Variants in DYRK4 observed in about 807,000 individuals in gnomAD.
DYRK4 encodes the protein dual specificity tyrosine phosphorylation regulated kinase 4, also known as dual specificity tyrosine-phosphorylation-regulated kinase 4.
A neutral mutation model predicts 68.3 loss-of-function variants in DYRK4; 64 were observed. The ratio of observed to expected loss-of-function variants is 0.94; its 90% confidence interval spans 0.77 to 1.15. The LOEUF (loss-of-function observed/expected upper bound fraction) is 1.15. Ranked by LOEUF, DYRK4 falls within the 50% of genes most tolerant of loss-of-function variation. The pLI is 0.00. For synonymous variants in DYRK4, 274 were observed against 289.9 expected (o/e 0.95, Z 0.56); for missense variants, 740 against 764.7 (o/e 0.97, Z 0.38).
At chr12:4,590,043 T>G in intron 3 of DYRK4, 1 of 827,044 alleles carries the variant, frequency 1.2e-6, no homozygotes, top group Non-Finnish European at 1.5e-6. Flanking sequence ...GTTCCCATGG[T>G]AGTGATGAAA....
At chr12:4,573,308 A>G in intron 2 of DYRK4, 4 of 1,289,456 alleles carry the variant, frequency 3.1e-6, no homozygotes, top group Non-Finnish European at 4.0e-6. Context: ...AGTTTTACAT[A>G]GTTTTCCCCA....
intron 2 of DYRK4, among the ~76,000 whole-genome samples, chr12:4,576,370 T>C (rs1421401376): frequency 6.6e-6 from 1 of 152,236 alleles, no homozygotes; most frequent in South Asian, 2.1e-4. Flanking sequence ...CAGTGAATAA[T>C]ACTGCACTGT....
At chr12:4,589,130 A>C in intron 3 of DYRK4, 113 bp downstream of exon 3, 1 of 893,586 alleles carries the variant, frequency 1.1e-6, no homozygotes, top group Non-Finnish European at 1.7e-6. Flanking sequence ...GTATCATAAC[A>C]TGATGACAGC....
intron 2 of DYRK4, chr12:4,573,207 G>A: frequency 4.0e-6 from 3 of 747,052 alleles, no homozygotes; most frequent in South Asian, 3.1e-5. Context: ...ATAATCGTAA[G>A]CAGCCAATCT....
rs1157151205 is a variant in DYRK4, at chr12:4,604,974, A to G, written c.1187A>G (p.Tyr396Cys). The change falls in exon 11 of 15, where the codon TAC becomes TGC. Residue 396 changes from tyrosine to cysteine, a missense_variant. By Grantham distance (194) the Tyr-to-Cys change is radical (BLOSUM62 -2). Coordinates refer to ENST00000543431, the MANE Select transcript of DYRK4 (RefSeq NM_001394779.1). ...CCAGAAGTGATCCTGGGCCACCCCT[A>G]CGACGTGGCCATTGACATGTGGAGC... ...RSPEVILGHP[Y>C]DVAIDMWSLG... 7 of 1,613,986 alleles carry G rather than the reference A, an allele frequency of 4.3e-6. No homozygotes were observed. The highest frequency in any genetic ancestry group is 2.2e-5 in the South Asian group (2 of 91,062).
Position 4,613,528 on chromosome 12 carries a change from A to G in DYRK4, c.1680A>G (p.Lys560=). 6.2e-7 allele frequency: 1 copy of G among 1,612,972 alleles called. No homozygotes were observed. The highest frequency in any genetic ancestry group is 8.5e-7 in the Non-Finnish European group (1 of 1,179,098). ...CTCCTTTAGCAGATGAGATCACCAAAGAGACTACAGAGAAAACAAAAGATA... is the reference window on the plus strand; with the variant it reads ...CTCCTTTAGCAGATGAGATCACCAAGGAGACTACAGAGAAAACAAAAGATA... ...HHSSRKDEIT[K]ETTEKTKDSP... The change falls in exon 15 of 15, where the codon AAA becomes AAG. Residue 560 remains lysine (K), a synonymous_variant. Coordinates refer to ENST00000543431, the MANE Select transcript of DYRK4 (RefSeq NM_001394779.1). This position sits in a 1 kb window ranked among gnomAD's most constrained non-coding sequence, Gnocchi z 4.0.
At chr12:4,565,627 CT>C (rs10717580) in intron 1 of DYRK4, among the ~76,000 whole-genome samples, 41,373 of 143,708 alleles carry the variant, frequency 0.29, 6,015 homozygotes, top group African/African-American at 0.4. Context: ...TTCACATTTA[CT>C]TTTTTTTTTT....
chr12:4,583,720 T>G (rs1288149111), intron 2 of DYRK4, among the ~76,000 whole-genome samples: 2 of 152,100 alleles, frequency 1.3e-5, no homozygotes. Flanking sequence ...GAAAGTGAGA[T>G]GGTTGTCAGC....
At chr12:4,582,182 GC>G (rs1944849089) in intron 2 of DYRK4, among the ~76,000 whole-genome samples, 1 of 152,188 alleles carries the variant, frequency 6.6e-6, no homozygotes, top group South Asian at 2.1e-4. Context: ...AGTGGCTCAC[GC>G]CTGTAATCCC....
chr12:4,599,038 T>TCCAGAATCATCA lies in DYRK4; in HGVS notation c.916_917insCCAGAATCATCA (p.Tyr306delinsSerArgIleIleAsn). On this transcript the variant is annotated protein_altering_variant, in exon 9 of 15. Coordinates refer to ENST00000543431, the MANE Select transcript of DYRK4 (RefSeq NM_001394779.1). ...TCCCCTCTTTTCCAGAATCAACTTG[T>TCCAGAATCATCA]ATGAGTTGATGAAGAATAACAACTT... The TCCAGAATCATCA allele has an allele frequency of 6.2e-7, 1 of 1,614,154 alleles. No homozygotes were observed. The highest frequency in any genetic ancestry group is 2.2e-5 in the East Asian group (1 of 44,872).
intron 8 of DYRK4, 104 bp downstream of exon 8, chr12:4,596,833 A>G (rs1945023836): frequency 1.9e-6 from 3 of 1,567,520 alleles, no homozygotes; most frequent in South Asian, 2.4e-5. Context: ...ATATTTAGTA[A>G]CTAGAATGGA....
intron 1 of DYRK4, 110 bp downstream of exon 1, chr12:4,562,393 A>G (rs1433753319): frequency 3.0e-6 from 4 of 1,328,466 alleles, no homozygotes; most frequent in Non-Finnish European, 4.0e-6. Context: ...AGCGTGCAGA[A>G]TGCAAGAGCT....
intron 2 of DYRK4, among the ~76,000 whole-genome samples, chr12:4,570,337 A>C (rs1944718554): frequency 6.6e-6 from 1 of 152,228 alleles, no homozygotes. Context: ...GACATTTAAA[A>C]ATACTCTTGA....
rs573116023 is a variant in DYRK4, at chr12:4,604,919, A to T, written c.1132A>T (p.Thr378Ser). The change falls in exon 11 of 15, where the codon ACG becomes TCG. Residue 378 changes from threonine (T) to serine (S), a missense_variant. Coordinates refer to ENST00000543431, the MANE Select transcript of DYRK4 (RefSeq NM_001394779.1). The stretch of plus-strand genomic sequence containing the variant: ...CTCTTACTTTGCCTCCGCAGTATAC[A>T]CGTACATCCAAAGCCGGTTCTACCG... ...SSCYEHQKVY[T>S]YIQSRFYRSP... 1 of 1,606,658 alleles carries T rather than the reference A, an allele frequency of 6.2e-7. No individual in the cohort carries two copies. The highest frequency in any genetic ancestry group is 1.7e-5 in the Admixed American group (1 of 59,092).
At chr12:4,569,198 A>T (rs1290577599) in intron 2 of DYRK4, among the ~76,000 whole-genome samples, 1 of 152,250 alleles carries the variant, frequency 6.6e-6, no homozygotes, top group East Asian at 1.9e-4. Context: ...ACTACCACGT[A>T]TAACAAAACA....
At chr12:4,602,718 C>T (rs1945095160) in intron 10 of DYRK4, 36 of 1,494,804 alleles carry the variant, frequency 2.4e-5, no homozygotes, top group Non-Finnish European at 3.1e-5. Context: ...ACCCCTGACT[C>T]TTCAATGTCT....
At chr12:4,567,572 G>C (rs1360803638) in intron 1 of DYRK4, among the ~76,000 whole-genome samples, 1 of 152,170 alleles carries the variant, frequency 6.6e-6, no homozygotes, top group Non-Finnish European at 1.5e-5. Context: ...TCTACCAATT[G>C]TTCCCCTTTT....
chr12:4,607,369 A>C lies in DYRK4; in HGVS notation c.1342A>C (p.Arg448=). Residue 448 remains arginine (R), a synonymous_variant, in exon 12 of 15, where the codon AGG becomes CGG. Transcript: ENST00000543431. Reference sequence around the variant, plus strand: ...AGCCGGCTTCATTCAGACAGCCTCCAGGAGACAGACATTCTTTGGTAAGTC... The same window carrying C: ...AGCCGGCTTCATTCAGACAGCCTCCCGGAGACAGACATTCTTTGGTAAGTC... ...PPAGFIQTAS[R]RQTFFDSKGF... 6.2e-7 allele frequency: 1 copy of C among 1,614,222 alleles called. No individual in the cohort carries two copies. The highest frequency in any genetic ancestry group is 2.2e-5 in the East Asian group (1 of 44,886).
chr12:4,574,133 G>T (rs1308909210), intron 2 of DYRK4, among the ~76,000 whole-genome samples: 2 of 151,692 alleles, frequency 1.3e-5, no homozygotes, highest in African/African-American at 2.4e-5. Context: ...GCTGAGGCAG[G>T]AGAATTGCTT....
Sources: allele counts gnomAD v4.1 joint callset (sites outside exome capture counted in the v4.1 genomes callset), GRCh38; gene constraint gnomAD v4.1.1; non-coding constraint Gnocchi (gnomAD v3.1); transcripts MANE v1.5; gene names NCBI Gene and HGNC (gene_info 2026-07-23, HGNC 2026-07-21).